KIF14: variants seen among roughly 807,000 people sequenced by gnomAD.
KIF14 encodes the protein kinesin family member 14, also known as kinesin-like protein KIF14.
KIF14 carries 98 observed loss-of-function variants against 176.2 expected under a neutral mutation model. The observed-to-expected ratio is 0.56, with a 90% confidence interval of 0.47 to 0.66. The LOEUF is 0.66. Among genes scored for constraint, KIF14 ranks in the 30% least tolerant of loss-of-function variants. The probability of loss-of-function intolerance (pLI) is 0.00; values close to 1 mark genes in which losing one functional copy is unlikely to be tolerated. For synonymous variants in KIF14, 566 were observed against 632.2 expected, an observed-to-expected ratio of 0.90 and a Z score of 1.57; for missense variants, 1,751 against 1,920.4, an observed-to-expected ratio of 0.91 and a Z score of 1.65.
chr1:200,567,011 C>T (rs940633843), intron 23 of KIF14, among the ~76,000 whole-genome samples: 1 of 151,496 alleles, frequency 6.6e-6, no homozygotes, highest in Admixed American at 6.6e-5. Flanking sequence ...CCCGTCTCTA[C>T]TAAAAATGAA....
Position 200,568,841 on chromosome 1 carries a change from G to A in KIF14, c.3661+1070C>T, listed in dbSNP as rs145535344. ...TCTTTCACTCAACATTATGTTTCTG[G>A]AATTCATCCAGGTTATTGTGTGAAT... is the stretch of plus-strand genomic sequence containing the variant. On this transcript the variant is annotated intron_variant, in intron 23 of 29. Coordinates refer to ENST00000367350, the MANE Select transcript of KIF14 (RefSeq NM_014875.3). Among the ~76,000 whole-genome samples, 8 of 151,846 alleles carry A rather than the reference G, an allele frequency of 5.3e-5. No homozygotes were observed. The East Asian group carries it at 1.5e-3, about 29-fold the overall frequency.
At chr1:200,591,993 T>A in intron 16 of KIF14, 87 bp downstream of exon 16, 2 of 1,129,036 alleles carry the variant, frequency 1.8e-6, no homozygotes, top group African/African-American at 1.6e-5. Context: ...ACCCAAAGAG[T>A]TAATTACTAG....
At chr1:200,589,749 C>A (rs1167050729) in intron 17 of KIF14, among the ~76,000 whole-genome samples, 2 of 128,858 alleles carry the variant, frequency 1.6e-5, no homozygotes, top group Non-Finnish European at 3.1e-5. Context: ...CCTCCCTGGG[C>A]TAGATGATCC....
At chr1:200,615,860 A>G (rs1660382506) in intron 2 of KIF14, among the ~76,000 whole-genome samples, 1 of 151,810 alleles carries the variant, frequency 6.6e-6, no homozygotes, top group South Asian at 2.1e-4. Context: ...CTTTTACAAG[A>G]TTTTTTCCTC....
chr1:200,566,253 T>C (rs887191142), intron 23 of KIF14, among the ~76,000 whole-genome samples: 3 of 151,882 alleles, frequency 2.0e-5, no homozygotes, highest in East Asian at 1.9e-4. Context: ...CTTTACTCTA[T>C]GGTAGGAATT....
At position 200,554,619 on chromosome 1, in the gene KIF14, A is replaced by C; in HGVS notation, c.4429-13T>G. 1 of 1,333,854 alleles carries C rather than the reference A, an allele frequency of 7.5e-7. No individual in the cohort carries two copies. Among genetic ancestry groups the C allele is most frequent in the Non-Finnish European group, 1.1e-6 (1 of 950,382 alleles). The allele number at this position is 1,333,854 out of a possible 1,614,324, so 82.6% of individuals were successfully genotyped here. On this transcript the variant is annotated splice_polypyrimidine_tract_variant and intron_variant, in intron 28 of 29. Transcript: ENST00000367350. The stretch of plus-strand genomic sequence containing the variant: ...TTCTGAAACTTTTCTGTATAAATAA[A>C]GTTAATATTTAAAATAATACATTAA...
In KIF14 at chr1:200,603,909, C is replaced by T. The variant is rs373895990; in HGVS notation, c.1793G>A (p.Arg598Gln). 12 of 1,613,578 alleles carry T rather than the reference C, an allele frequency of 7.4e-6. No homozygotes were observed. The highest frequency in any genetic ancestry group is 5.5e-5 in the South Asian group (5 of 91,076). ...GCCTGCCAGATCTATTAGGTTAATT[C>T]GACTTGTTATTCTGTGATCGTGTTC... The part of the protein sequence containing the change: ...GEEHDHRITS[R>Q]INLIDLAGSE... Residue 598 changes from arginine to glutamine, a missense_variant, in exon 9 of 30, where the codon CGA becomes CAA. Physicochemically the swap from Arg to Gln is conservative, Grantham distance 43 (BLOSUM62 1). Coordinates refer to ENST00000367350, the MANE Select transcript of KIF14 (RefSeq NM_014875.3).
rs267598285 is a variant in KIF14, at chr1:200,592,225, G to A, written c.2668C>T (p.Leu890Phe). The change falls in exon 16 of 30, where the codon CTT becomes TTT. Residue 890 changes from leucine to phenylalanine, a missense_variant. Coordinates refer to ENST00000367350, the MANE Select transcript of KIF14 (RefSeq NM_014875.3). ...AATCTAAAATAATGATCTCCACCAAGAATCACTCGATCACCCTAAAGCACA... is the reference window on the plus strand; with the variant it reads ...AATCTAAAATAATGATCTCCACCAAAAATCACTCGATCACCCTAAAGCACA... Reference protein sequence around the residue: ...TVLRHGDRVILGGDHYFRFNH... With the variant: ...TVLRHGDRVIFGGDHYFRFNH... 3 of 1,612,900 alleles carry A rather than the reference G, an allele frequency of 1.9e-6. No homozygotes were observed. The African/African-American group carries it at 4.0e-5, about 22-fold the overall frequency.
rs762167797 is a variant in KIF14 at position 200,592,060 on chromosome 1, C to T, written c.2813+20G>A. 6 of 1,590,320 alleles carry T rather than the reference C, an allele frequency of 3.8e-6. No individual in the cohort carries two copies. The highest frequency in any genetic ancestry group is 5.1e-6 in the Non-Finnish European group (6 of 1,167,312). Reference sequence around the variant, plus strand: ...GATCTCTCTCATACACTTACTATTTCATATCAACAGCATACTTACTGTGAT... The same window carrying T: ...GATCTCTCTCATACACTTACTATTTTATATCAACAGCATACTTACTGTGAT... On this transcript the variant is annotated intron_variant, in intron 16 of 29. Coordinates refer to ENST00000367350, the MANE Select transcript of KIF14 (RefSeq NM_014875.3).
chr1:200,561,020 CAGG>C lies in KIF14; in HGVS notation c.4072-143_4072-141del, dbSNP rs1657114561. The C allele has an allele frequency of 4.4e-6, 3 of 678,958 alleles. No individual in the cohort carries two copies. In the Admixed American group the frequency reaches 7.8e-5, roughly 18 times the overall value. The allele number at this position is 678,958 out of a possible 1,614,324, so 42.1% of individuals were successfully genotyped here. ...CCGAGGCGGGTGGATCGCCTGAGGT[CAGG>C]AGTTCAAGATCAGCCTGGCCAACAT... On this transcript the variant is annotated intron_variant, in intron 25 of 29. Transcript: ENST00000367350.
At chr1:200,577,633 G>A (rs368464811) in intron 21 of KIF14, among the ~76,000 whole-genome samples, 1 of 151,726 alleles carries the variant, frequency 6.6e-6, no homozygotes, top group African/African-American at 2.4e-5. Flanking sequence ...CCCGGGAGAC[G>A]GAGGTTGCAG....
At chr1:200,566,665 G>T (rs547481141) in intron 23 of KIF14, among the ~76,000 whole-genome samples, 1 of 151,448 alleles carries the variant, frequency 6.6e-6, no homozygotes, top group African/African-American at 2.4e-5. Flanking sequence ...ACTCACAAGC[G>T]TGATCATAGC....
rs200778779 is a variant in KIF14 at position 200,608,367 on chromosome 1, CT to C, written c.1554+462del. ...CTAGTGATAATGTTCCGCTTCTTTTCTTTTTTTTTTTTTTGGAGACGAAGTC... is the reference window on the plus strand; with the variant it reads ...CTAGTGATAATGTTCCGCTTCTTTTCTTTTTTTTTTTTTGGAGACGAAGTC... On this transcript the variant is annotated intron_variant, in intron 5 of 29. Transcript: ENST00000367350. Among the ~76,000 whole-genome samples, 174 of 141,034 alleles carry C rather than the reference CT, an allele frequency of 1.2e-3. 1 individual carries two copies. Among genetic ancestry groups the C allele is most frequent in the Middle Eastern group, 3.7e-3 (1 of 270 alleles). 92.5% of individuals were successfully genotyped at this position (141,034 alleles called of 152,430 possible).
At chr1:200,590,099 A>G in intron 17 of KIF14, 26 bp downstream of exon 17, 1 of 1,588,040 alleles carries the variant, frequency 6.3e-7, no homozygotes, top group Non-Finnish European at 8.5e-7. Context: ...TCGGAAAAAA[A>G]AAATAAAACT....
chr1:200,567,168 TC>T (rs34056871), intron 23 of KIF14, among the ~76,000 whole-genome samples: 83,119 of 146,392 alleles, frequency 0.57, 24,061 homozygotes, highest in East Asian at 0.69. Context: ...CGAAACTCTG[TC>T]CTCAAAAAAA....
At position 200,554,520 on chromosome 1, in the gene KIF14, C is replaced by A; in HGVS notation, c.4515G>T (p.Lys1505Asn). 6.4e-7 allele frequency: 1 copy of A among 1,551,514 alleles called. No individual in the cohort carries two copies. Among genetic ancestry groups the A allele is most frequent in the African/African-American group, 1.4e-5 (1 of 73,580 alleles). Residue 1505 changes from lysine (K) to asparagine (N), a missense_variant, in exon 29 of 30, where the codon AAG becomes AAT. By Grantham distance (94) the Lys-to-Asn change is moderately conservative (BLOSUM62 0). Transcript: ENST00000367350. ...RMVNRAPEFLKLKHCLEKAIE... is the reference protein window; with the variant it reads ...RMVNRAPEFLNLKHCLEKAIE... Reference sequence around the variant, plus strand: ...TAGCTTTCTCTAAGCAATGTTTTAACTTTAAGAATTCTGGAGCACGATTAA... The same window carrying A: ...TAGCTTTCTCTAAGCAATGTTTTAAATTTAAGAATTCTGGAGCACGATTAA...
intron 14 of KIF14, among the ~76,000 whole-genome samples, chr1:200,594,150 G>T (rs1204441514): frequency 1.3e-5 from 2 of 151,330 alleles, no homozygotes; most frequent in Admixed American, 6.6e-5. Context: ...CGCCAGGCTG[G>T]TCTCTAATTC....
intron 23 of KIF14, 86 bp from the exon 24 acceptor site, chr1:200,565,755 C>T (rs1657414563): frequency 7.3e-6 from 6 of 824,932 alleles, no homozygotes; most frequent in Non-Finnish European, 1.1e-5. Context: ...ACTTTATGTA[C>T]TTCTGCATTA....
intron 23 of KIF14, among the ~76,000 whole-genome samples, chr1:200,567,286 A>C (rs1382251662): frequency 1.3e-5 from 2 of 152,100 alleles, no homozygotes; most frequent in East Asian, 3.9e-4. Flanking sequence ...TCACGCCTAT[A>C]ATCCCAGCAT....
Sources: gnomAD v4.1 joint callset for allele counts (sites outside exome capture counted in the v4.1 genomes callset) on GRCh38, gnomAD v4.1.1 for gene constraint, MANE v1.5 for transcripts, NCBI Gene and HGNC (gene_info 2026-07-23, HGNC 2026-07-21) for gene names.